BNC1: variants seen among roughly 807,000 people sequenced by gnomAD.
BNC1 encodes zinc finger protein basonuclin-1.
A neutral mutation model predicts 66.5 loss-of-function variants in BNC1; 8 were observed. The ratio of observed to expected loss-of-function variants is 0.12; its 90% CI spans 0.07 to 0.22. BNC1 has a LOEUF of 0.22. Ranked by LOEUF, BNC1 falls within the 10% of genes least tolerant of loss-of-function variation. The probability of loss-of-function intolerance (pLI) is 1.00; values close to 1 mark genes in which losing one functional copy is unlikely to be tolerated. For synonymous variants in BNC1, 454 were observed against 452.6 expected (o/e 1.00, Z -0.04); for missense variants, 1,069 against 1,241.3 (o/e 0.86, Z 2.09).
At position 83,257,969 on chromosome 15, in the gene BNC1, T is replaced by C; in HGVS notation, c.2458A>G (p.Ile820Val). The change falls in exon 5 of 5, where the codon ATC becomes GTC. Residue 820 changes from isoleucine to valine, a missense_variant. Ile to Val is a conservative substitution (Grantham distance 29). Transcript: ENST00000345382. The part of the protein sequence containing the change: ...FTQQASQTSV[I>V]FKGTSRMGSL... ...CCCATTCGACTTGTTCCTTTGAAGA[T>C]GACAGATGTCTGGGAGGCTTGCTGT... 1 of 1,614,228 alleles carries C rather than the reference T, an allele frequency of 6.2e-7. No homozygotes were observed. The highest frequency in any genetic ancestry group is 1.1e-5 in the South Asian group (1 of 91,090).
intron 1 of BNC1, among the ~76,000 whole-genome samples, chr15:83,280,275 C>G (rs1190923374): frequency 6.6e-6 from 1 of 152,074 alleles, no homozygotes; most frequent in Non-Finnish European, 1.5e-5. Context: ...TGGGAAACCT[C>G]AGAGGTAATC....
At chr15:83,264,937 G>A in intron 3 of BNC1, 122 bp from the exon 4 acceptor site, 2 of 1,022,262 alleles carry the variant, frequency 2.0e-6, no homozygotes, top group Non-Finnish European at 1.4e-6. Context: ...TGAATGCAGG[G>A]CTTTGGGGAA....
chr15:83,279,600 C>T (rs944409841), intron 1 of BNC1, among the ~76,000 whole-genome samples: 13 of 152,164 alleles, frequency 8.5e-5, no homozygotes, highest in South Asian at 2.1e-4. Flanking sequence ...GTCTCTGTTA[C>T]GGGCAGTGAG....
chr15:83,266,346 G>A (rs563781023), intron 3 of BNC1, among the ~76,000 whole-genome samples: 103 of 152,100 alleles, frequency 6.8e-4, no homozygotes, highest in Admixed American at 1.6e-3. Flanking sequence ...CATGAACACA[G>A]AAATATAAAA....
chr15:83,279,937 T>C (rs1294053269), intron 1 of BNC1, among the ~76,000 whole-genome samples: 1 of 152,192 alleles, frequency 6.6e-6, no homozygotes, highest in African/African-American at 2.4e-5. Context: ...TGACAGATAT[T>C]GATTGGGCTG....
chr15:83,279,710 G>C (rs189833770), intron 1 of BNC1, among the ~76,000 whole-genome samples: 1 of 152,260 alleles, frequency 6.6e-6, no homozygotes, highest in African/African-American at 2.4e-5. Flanking sequence ...TTCTACAATG[G>C]GGAGGCACTG....
Position 83,268,224 on chromosome 15 carries a change from G to A in BNC1, c.108C>T (p.Ser36=), listed in dbSNP as rs141676902. The A allele has an allele frequency of 1.2e-4, 189 of 1,613,722 alleles. No individual in the cohort carries two copies. The African/African-American group carries it at 2.3e-3, about 20-fold the overall frequency. Residue 36 remains serine, a synonymous_variant, in exon 2 of 5, where the codon AGC becomes AGT. Coordinates refer to ENST00000345382, the MANE Select transcript of BNC1 (RefSeq NM_001717.4). The stretch of plus-strand genomic sequence containing the variant: ...TTTGGCAACTACAGTTCAGAGTACA[G>A]CTGATAGCCTGAAAAAGAGGAGAAA... ...RSGRRMAEAI[S]CTLNCSCQSF... is the part of the protein sequence containing the mutation.
chr15:83,272,997 A>C (rs2151438539), intron 1 of BNC1, among the ~76,000 whole-genome samples: 1 of 151,558 alleles, frequency 6.6e-6, no homozygotes. Flanking sequence ...GGCCTATACC[A>C]CTCCCATGGG....
rs767382172 is a variant in BNC1 at position 83,267,011 on chromosome 15, G to T, written c.260C>A (p.Ser87Tyr). 1 of 1,614,120 alleles carries T rather than the reference G, an allele frequency of 6.2e-7. No homozygotes were observed. Among genetic ancestry groups the T allele is most frequent in the South Asian group, 1.1e-5 (1 of 91,076 alleles). Residue 87 changes from serine to tyrosine, a missense_variant, in exon 3 of 5, where the codon TCC becomes TAC. Transcript: ENST00000345382. ...YPTSQVEIVQ[S>Y]NVVFDISSLM... is the part of the protein sequence containing the mutation. ...GCTGCTAATATCAAACACTACATTG[G>T]ACTGGACAATCTCCACCTGGCTTGT...
At chr15:83,277,948 A>C in intron 1 of BNC1, among the ~76,000 whole-genome samples, 1 of 149,626 alleles carries the variant, frequency 6.7e-6, no homozygotes, top group African/African-American at 2.5e-5. Context: ...TTACCTTCCC[A>C]CCTCTCACTT....
chr15:83,261,210 A>G (rs960309896), intron 4 of BNC1, among the ~76,000 whole-genome samples: 7 of 152,212 alleles, frequency 4.6e-5, no homozygotes, highest in Non-Finnish European at 8.8e-5. Context: ...GAGGCTGAAG[A>G]AGGACTGGTT....
At chr15:83,279,700 T>C (rs2038360040) in intron 1 of BNC1, among the ~76,000 whole-genome samples, 1 of 152,188 alleles carries the variant, frequency 6.6e-6, no homozygotes, top group South Asian at 2.1e-4. Flanking sequence ...ATCATTGGCT[T>C]TCTACAATGG....
chr15:83,263,411 C>T lies in BNC1; in HGVS notation c.1840G>A (p.Val614Ile). The T allele has an allele frequency of 6.2e-7, 1 of 1,614,228 alleles. No individual in the cohort carries two copies. The highest frequency in any genetic ancestry group is 8.5e-7 in the Non-Finnish European group (1 of 1,180,044). ...EGERPCHRES[V>I]IESSGAISQT... ...CTGATGGCTCCACTGGACTCAATTA[C>T]TGATTCACGATGGCAGGGCCTCTCC... Residue 614 changes from valine (V) to isoleucine (I), a missense_variant, in exon 4 of 5, where the codon GTA becomes ATA. Coordinates refer to ENST00000345382, the MANE Select transcript of BNC1 (RefSeq NM_001717.4).
Position 83,263,510 on chromosome 15 carries a change from T to A in BNC1, c.1741A>T (p.Ser581Cys), listed in dbSNP as rs776202622. 62 of 1,614,154 alleles carry A rather than the reference T, an allele frequency of 3.8e-5. No homozygotes were observed. The East Asian group carries it at 1.4e-3, about 36-fold the overall frequency. ...TCAGATACTCTGTGTGACTGAGGACTGCAGGCCTCCTGCTCATCTTCACTG... is the reference window on the plus strand; with the variant it reads ...TCAGATACTCTGTGTGACTGAGGACAGCAGGCCTCCTGCTCATCTTCACTG... ...VVSEDEQEAC[S>C]PQSHRVSEEQ... Residue 581 changes from serine (S) to cysteine (C), a missense_variant, in exon 4 of 5, where the codon AGT becomes TGT. Around this residue, in one of 7 missense-constraint regions of BNC1, gnomAD observed 657 missense variants for 715.8 expected, o/e 0.92. Transcript: ENST00000345382.
chr15:83,271,381 C>T (rs1052348844), intron 1 of BNC1, among the ~76,000 whole-genome samples: 8 of 152,044 alleles, frequency 5.3e-5, no homozygotes, highest in African/African-American at 1.9e-4. Flanking sequence ...TCAGGTGATG[C>T]GGAATAGGGC....
At chr15:83,277,600 C>A (rs751313676) in intron 1 of BNC1, among the ~76,000 whole-genome samples, 1 of 152,140 alleles carries the variant, frequency 6.6e-6, no homozygotes, top group South Asian at 2.1e-4. Context: ...TGAGCCACCG[C>A]GCCTGGCCAG....
In BNC1 at chr15:83,255,986, C is replaced by T. The variant is rs1448128160; in HGVS notation, c.*1456G>A. 6.5e-6 allele frequency: 1 copy of T among 152,680 alleles called. No homozygotes were observed. Among genetic ancestry groups the T allele is most frequent in the South Asian group, 2.1e-4 (1 of 4,822 alleles). The allele number at this position is 152,680 out of a possible 1,614,324, so 9.5% of individuals were successfully genotyped here. A position where few individuals can be genotyped will look rare whatever the true frequency, so the allele number is the denominator to read the frequency against. ...TTGGGAAGACTGGAATATTAAACAG[C>T]TGGGTAACTAAACAGTTGAAAGATA... On this transcript the variant is annotated 3_prime_UTR_variant, in exon 5 of 5. Coordinates refer to ENST00000345382, the MANE Select transcript of BNC1 (RefSeq NM_001717.4).
At chr15:83,280,089 G>A (rs992262526) in intron 1 of BNC1, among the ~76,000 whole-genome samples, 4 of 152,158 alleles carry the variant, frequency 2.6e-5, no homozygotes, top group Non-Finnish European at 4.4e-5. Flanking sequence ...ATAATTTAAT[G>A]TCTGTGCTTT....
At chr15:83,261,106 G>A (rs1724416002) in intron 4 of BNC1, among the ~76,000 whole-genome samples, 1 of 152,098 alleles carries the variant, frequency 6.6e-6, no homozygotes, top group African/African-American at 2.4e-5. Flanking sequence ...AGATATTGTA[G>A]GATAGAACAG....
Sources: allele counts gnomAD v4.1 joint callset (sites outside exome capture counted in the v4.1 genomes callset), GRCh38; gene constraint gnomAD v4.1.1; regional missense constraint gnomAD v4.1.1; transcripts MANE v1.5; gene names NCBI Gene and HGNC (gene_info 2026-07-23, HGNC 2026-07-21).